Variants in PCDHGA7 observed in about 807,000 individuals in gnomAD.
PCDHGA7 encodes the protein protocadherin gamma-A7.
Under a neutral mutation model 58.3 loss-of-function variants are expected in PCDHGA7, and 44 were observed. That is an observed-to-expected ratio of 0.75 (90% CI 0.59 to 0.97). PCDHGA7 has a LOEUF of 0.97. Ranked by LOEUF, PCDHGA7 falls within the 50% of genes least tolerant of loss-of-function variation. The pLI is 0.00. For missense variants in PCDHGA7, 1,266 were observed against 1,188.7 expected, an observed-to-expected ratio of 1.06 and a Z score of -0.96; for synonymous variants, 516 against 504.2, an observed-to-expected ratio of 1.02 and a Z score of -0.31.
rs375363587 is a variant in PCDHGA7 at position 141,414,524 on chromosome 5, A to G, written c.2424+29201A>G. On this transcript the variant is annotated intron_variant, in intron 1 of 3. Coordinates refer to ENST00000518325, the MANE Select transcript of PCDHGA7 (RefSeq NM_018920.4). ...TTTATGCTACAAGTGGCAGATATCA[A>G]TGACAACCCACCTACCTTCTCTCAA... 105 of 1,613,844 alleles carry G rather than the reference A, an allele frequency of 6.5e-5. 1 individual carries two copies. In the South Asian group the frequency reaches 7.2e-4, roughly 11 times the overall value.
At chr5:141,423,750 T>TGGGG (rs144521096) in intron 1 of PCDHGA7, 28 of 288,222 alleles carry the variant, frequency 9.7e-5, no homozygotes, top group Non-Finnish European at 1.2e-4. Flanking sequence ...GAAAACTGTT[T>TGGGG]GGGGGGGGGG....
chr5:141,490,215 G>C lies in PCDHGA7; in HGVS notation c.2425-4592G>C. 6.2e-7 allele frequency: 1 copy of C among 1,614,254 alleles called. No individual in the cohort carries two copies. Among genetic ancestry groups the C allele is most frequent in the African/African-American group, 1.3e-5 (1 of 75,078 alleles). On this transcript the variant is annotated intron_variant, in intron 1 of 3. Coordinates refer to ENST00000518325, the MANE Select transcript of PCDHGA7 (RefSeq NM_018920.4). The surrounding 1 kb of genome is among the most constrained non-coding windows in gnomAD (Gnocchi z 5.4). ...AAATTCATGCAAGAGCCCGTGACCA[G>C]GGACAGCCTGCCATGGAGGGCCACT... is the stretch of plus-strand genomic sequence containing the variant.
rs781695042 is a variant in PCDHGA7, at chr5:141,394,424, C to T, written c.2424+9101C>T. 6.2e-6 allele frequency: 10 copies of T among 1,614,104 alleles called. No individual in the cohort carries two copies. The African/African-American group carries it at 8.0e-5, about 13-fold the overall frequency. On this transcript the variant is annotated intron_variant, in intron 1 of 3. Transcript: ENST00000518325. The stretch of plus-strand genomic sequence containing the variant: ...AGCTACTGGTAACAGCCAGCGACAG[C>T]GGGGACCCGCCCCTCAGCAGCAACA...
intron 1 of PCDHGA7, chr5:141,423,313 G>T (rs1407028245): frequency 1.2e-6 from 2 of 1,614,184 alleles, no homozygotes; most frequent in Non-Finnish European, 1.7e-6. Context: ...GTACTTGGTG[G>T]TGGCGGTGGC....
intron 1 of PCDHGA7, among the ~76,000 whole-genome samples, chr5:141,455,428 GA>G (rs2098822635): frequency 6.6e-6 from 1 of 152,176 alleles, no homozygotes; most frequent in Non-Finnish European, 1.5e-5. Context: ...GGCTCCAAAA[GA>G]GGAGGTCCCC....
intron 1 of PCDHGA7, chr5:141,468,330 C>CAAAAAA (rs533390277): frequency 1.3e-5 from 1 of 79,878 alleles, no homozygotes. Context: ...AACTCCATCT[C>CAAAAAA]AAAAAAAAAA....
At chr5:141,416,497 T>G (rs1426816820) in intron 1 of PCDHGA7, 3 of 152,116 alleles carry the variant, frequency 2.0e-5, no homozygotes, top group Non-Finnish European at 4.4e-5. Context: ...GAGCAAGAGA[T>G]ATATGACAAA....
intron 1 of PCDHGA7, chr5:141,430,896 G>A: frequency 6.2e-7 from 1 of 1,606,012 alleles, no homozygotes; most frequent in Admixed American, 1.7e-5. Context: ...TCTAGGGTGG[G>A]CGACATCTCC....
In PCDHGA7 at chr5:141,493,269, C is replaced by T. The variant is rs142898207; in HGVS notation, c.2425-1538C>T. ...ACATGCCTCTCTTATAACAGCTTCA[C>T]AGAGGTCAAGTGACTTGCTCAAGTT... is the stretch of plus-strand genomic sequence containing the variant. On this transcript the variant is annotated intron_variant, in intron 1 of 3. Coordinates refer to ENST00000518325, the MANE Select transcript of PCDHGA7 (RefSeq NM_018920.4). This position sits in a 1 kb window ranked among gnomAD's most constrained non-coding sequence, Gnocchi z 4.3. Among the ~76,000 whole-genome samples the T allele has an allele frequency of 1.3e-5, 2 of 152,322 alleles. No individual in the cohort carries two copies. The highest frequency in any genetic ancestry group is 4.8e-5 in the African/African-American group (2 of 41,570).
chr5:141,430,369 A>G (rs564811230), intron 1 of PCDHGA7, among the ~76,000 whole-genome samples: 1 of 151,582 alleles, frequency 6.6e-6, no homozygotes, highest in East Asian at 1.9e-4. Flanking sequence ...ATTGGGGAAA[A>G]AAAAGCTCAT....
chr5:141,506,228 A>T (rs538354130), intron 3 of PCDHGA7, among the ~76,000 whole-genome samples: 1 of 152,266 alleles, frequency 6.6e-6, no homozygotes, highest in East Asian at 1.9e-4. Context: ...AGGCAGGAGG[A>T]TCATGAGGTC....
chr5:141,511,486 TC>T lies in PCDHGA7; in HGVS notation c.*315del. The T allele has an allele frequency of 2.2e-6, 1 of 449,906 alleles. No homozygotes were observed. 27.9% of individuals were successfully genotyped at this position (449,906 alleles called of 1,614,324 possible). A position where few individuals can be genotyped will look rare whatever the true frequency, so the allele number is the denominator to read the frequency against. On this transcript the variant is annotated 3_prime_UTR_variant, in exon 4 of 4. Transcript: ENST00000518325. ...CCCCGTTTAGTTACAGCTGAACTCC[TC>T]CATCTTCCAAATCAATCAGGCCCAT...
In PCDHGA7 at chr5:141,490,654, C is replaced by A; in HGVS notation, c.2425-4153C>A. On this transcript the variant is annotated intron_variant, in intron 1 of 3. Transcript: ENST00000518325. The surrounding 1 kb of genome is among the most constrained non-coding windows in gnomAD (Gnocchi z 5.4). ...CCTAGAAAACCGGCCTCCGGGCTCC[C>A]TTCTTTGCACTGTGGCTGCCTCAGA... 6.2e-7 allele frequency: 1 copy of A among 1,614,206 alleles called. No individual in the cohort carries two copies. Among genetic ancestry groups the A allele is most frequent in the Non-Finnish European group, 8.5e-7 (1 of 1,180,014 alleles).
At chr5:141,390,223 G>T (rs137959577) in intron 1 of PCDHGA7, 3 of 1,614,020 alleles carry the variant, frequency 1.9e-6, no homozygotes, top group East Asian at 2.2e-5. Context: ...ATACTTTGCG[G>T]TGATTCATCT....
chr5:141,382,764 A>G lies in PCDHGA7; in HGVS notation c.-136A>G, dbSNP rs1778415401. On this transcript the variant is annotated 5_prime_UTR_variant, in exon 1 of 4. Coordinates refer to ENST00000518325, the MANE Select transcript of PCDHGA7 (RefSeq NM_018920.4). Reference sequence around the variant, plus strand: ...GACAGATTGCGATAAGCCCTCTTCCAGGCTGCACTAAACTCAAGCCTCTAT... The same window carrying G: ...GACAGATTGCGATAAGCCCTCTTCCGGGCTGCACTAAACTCAAGCCTCTAT... 1 of 699,092 alleles carries G rather than the reference A, an allele frequency of 1.4e-6. No homozygotes were observed. The allele number at this position is 699,092 out of a possible 1,614,324, so 43.3% of individuals were successfully genotyped here.
chr5:141,454,644 G>T (rs183290309), intron 1 of PCDHGA7, among the ~76,000 whole-genome samples: 2 of 151,892 alleles, frequency 1.3e-5, no homozygotes, highest in South Asian at 2.1e-4. Flanking sequence ...AACCTCAGGT[G>T]ATCTGCCCAC....
rs746088761 is a variant in PCDHGA7 at position 141,404,246 on chromosome 5, CT to C, written c.2424+18924del. 9.3e-6 allele frequency: 15 copies of C among 1,613,922 alleles called. 1 individual carries two copies. The highest frequency in any genetic ancestry group is 5.0e-5 in the Admixed American group (3 of 60,012). Reference sequence around the variant, plus strand: ...TGCAACAGACAGAGGAACTCCGCCCCTGTCCACAGAAATTCACATCACCCTG... The same window carrying C: ...TGCAACAGACAGAGGAACTCCGCCCCGTCCACAGAAATTCACATCACCCTG... On this transcript the variant is annotated intron_variant, in intron 1 of 3. Coordinates refer to ENST00000518325, the MANE Select transcript of PCDHGA7 (RefSeq NM_018920.4).
At chr5:141,393,284 T>C (rs1462333832) in intron 1 of PCDHGA7, 10 of 1,613,870 alleles carry the variant, frequency 6.2e-6, no homozygotes, top group African/African-American at 2.7e-5. Flanking sequence ...TCCCAGAAGC[T>C]GTTGACCCGG....
chr5:141,439,889 C>T (rs997306014), intron 1 of PCDHGA7: 1 of 152,348 alleles, frequency 6.6e-6, no homozygotes, highest in Admixed American at 6.5e-5. Context: ...CTGGGTAGAA[C>T]CAAGGCGACT....
Sources: gnomAD v4.1 joint callset for allele counts (sites outside exome capture counted in the v4.1 genomes callset) on GRCh38, gnomAD v4.1.1 for gene constraint, Gnocchi (gnomAD v3.1) non-coding constraint, MANE v1.5 for transcripts, NCBI Gene and HGNC (gene_info 2026-07-23, HGNC 2026-07-21) for gene names.